Variants in SPATA21 observed in about 807,000 individuals in gnomAD.
SPATA21 encodes the protein spermatogenesis-associated protein 21.
A neutral mutation model predicts 54.8 loss-of-function variants in SPATA21; 47 were observed. The observed-to-expected ratio is 0.86, with a 90% CI of 0.68 to 1.09. The LOEUF is 1.09. SPATA21 is among the 50% of genes least tolerant of loss of function. SPATA21 has a pLI of 0.00. For missense variants in SPATA21, 599 were observed against 596.4 expected, an observed-to-expected ratio of 1.00 and a Z score of -0.05; for synonymous variants, 245 against 235.3, an observed-to-expected ratio of 1.04 and a Z score of -0.38.
intron 5 of SPATA21, among the ~76,000 whole-genome samples, chr1:16,418,077 C>T (rs915606084): frequency 3.3e-5 from 5 of 152,174 alleles, no homozygotes; most frequent in East Asian, 1.9e-4. Context: ...GGGCCCTCCC[C>T]GGCTTTCCTT....
At position 16,432,930 on chromosome 1, in the gene SPATA21, T is replaced by A. The variant is rs936049818; in HGVS notation, c.-186-6A>T. ...TGTGAAGTCTGGGTTCAGCCCTGTT[T>A]TAAAGATAGGGAAATTAAGGCTCTG... On this transcript the variant is annotated splice_polypyrimidine_tract_variant and splice_region_variant and intron_variant, in intron 1 of 12. Coordinates refer to ENST00000335496, the MANE Select transcript of SPATA21 (RefSeq NM_198546.1). 1 of 152,206 alleles carries A rather than the reference T, an allele frequency of 6.6e-6. No homozygotes were observed. The highest frequency in any genetic ancestry group is 1.5e-5 in the Non-Finnish European group (1 of 68,054). The allele number at this position is 152,206 out of a possible 1,614,324, so 9.4% of individuals were successfully genotyped here.
intron 1 of SPATA21, among the ~76,000 whole-genome samples, chr1:16,433,378 T>G (rs2086507977): frequency 6.6e-6 from 1 of 152,342 alleles, no homozygotes; most frequent in African/African-American, 2.4e-5. Context: ...GGCTGTCACC[T>G]GGAGCGGAAA....
At chr1:16,435,320 C>T (rs920397562) in intron 1 of SPATA21, among the ~76,000 whole-genome samples, 14 of 151,336 alleles carry the variant, frequency 9.3e-5, no homozygotes, top group Non-Finnish European at 1.5e-4. Flanking sequence ...TCAGAGCCTT[C>T]GTCCTTTTTT....
At position 16,409,602 on chromosome 1, in the gene SPATA21, G is replaced by A. The variant is rs114265055; in HGVS notation, c.586C>T (p.Arg196Trp). The A allele has an allele frequency of 9.8e-4, 1,573 of 1,609,774 alleles. 9 individuals are homozygous for A. The African/African-American group carries it at 0.018, about 19-fold the overall frequency. The change falls in exon 6 of 13, where the codon CGG becomes TGG. Residue 196 changes from arginine (R) to tryptophan (W), a missense_variant and splice_region_variant. Arg to Trp is a moderately radical substitution (Grantham distance 101). Transcript: ENST00000335496. This position sits in a 1 kb window ranked among gnomAD's most constrained non-coding sequence, Gnocchi z 4.1. ...SERTLSYAKA[R>W]QEPEEQSLQK... ...CGGGTGAGCAGCGGGGGCTCCTACC[G>A]CGCCTTGGCGTAGCTCAGGGTTCTC...
intron 5 of SPATA21, among the ~76,000 whole-genome samples, chr1:16,415,608 G>A (rs2085980368): frequency 6.6e-6 from 1 of 152,188 alleles, no homozygotes; most frequent in South Asian, 2.1e-4. Flanking sequence ...CACCCAGGCT[G>A]GAGTGTGTTG....
rs2100810389 is a variant in SPATA21, at chr1:16,409,037, C to G, written c.673+81G>C. ...GCAGCCATGTGATCTGGAAAGCACC[C>G]CAGTCCGCCCTGCGCCTATAAACCC... On this transcript the variant is annotated intron_variant, in intron 7 of 12. Transcript: ENST00000335496. This position sits in a 1 kb window ranked among gnomAD's most constrained non-coding sequence, Gnocchi z 4.1. 1.2e-5 allele frequency: 18 copies of G among 1,470,870 alleles called. No homozygotes were observed. The highest frequency in any genetic ancestry group is 3.5e-5 in the Admixed American group (2 of 57,784). 91.1% of individuals were successfully genotyped at this position (1,470,870 alleles called of 1,614,324 possible).
In SPATA21 at chr1:16,421,591, C is replaced by G; in HGVS notation, c.96-34G>C. 2.5e-6 allele frequency: 4 copies of G among 1,603,570 alleles called. No individual in the cohort carries two copies. Among genetic ancestry groups the G allele is most frequent in the Admixed American group, 1.7e-5 (1 of 58,700 alleles). On this transcript the variant is annotated intron_variant, in intron 4 of 12. Transcript: ENST00000335496. This position sits in a 1 kb window ranked among gnomAD's most constrained non-coding sequence, Gnocchi z 5.2. ...AAGAGAAACCCCCAGGTGGGGGAAGCGCTCAGCTGAAGGTTTGCCCCCCTG... is the reference window on the plus strand; with the variant it reads ...AAGAGAAACCCCCAGGTGGGGGAAGGGCTCAGCTGAAGGTTTGCCCCCCTG...
In SPATA21 at chr1:16,403,836, C is replaced by A. The variant is rs1200932923; in HGVS notation, c.892G>T (p.Ala298Ser). The A allele has an allele frequency of 1.2e-6, 2 of 1,609,368 alleles. No homozygotes were observed. The highest frequency in any genetic ancestry group is 1.7e-6 in the Non-Finnish European group (2 of 1,177,596). ...TTGTGGGGAGCCATGTCCGACAGGG[C>A]GTTCTGTTCTGGAGACATGGGATAG... ...RRFFCSVEQN[A>S]LSDMAPHNPH... The change falls in exon 10 of 13, where the codon GCC (alanine) becomes TCC (serine). Residue 298 changes from alanine to serine, a missense_variant. Ala to Ser is a moderately conservative substitution (Grantham distance 99). Transcript: ENST00000335496.
In SPATA21 at chr1:16,398,832, G is replaced by A. The variant is rs2085356787; in HGVS notation, c.1353-10C>T. 1 of 1,611,568 alleles carries A rather than the reference G, an allele frequency of 6.2e-7. No individual in the cohort carries two copies. Among genetic ancestry groups the A allele is most frequent in the South Asian group, 1.1e-5 (1 of 90,866 alleles). ...GTCAGAGTTGTGTTCCCTGGGGAGA[G>A]GAGTAGGGCAGAAGGGTGGGAGACA... On this transcript the variant is annotated splice_polypyrimidine_tract_variant and intron_variant, in intron 12 of 12. Transcript: ENST00000335496.
chr1:16,430,759 A>G (rs1011331594), intron 3 of SPATA21, among the ~76,000 whole-genome samples: 5 of 152,214 alleles, frequency 3.3e-5, no homozygotes, highest in African/African-American at 1.2e-4. Flanking sequence ...TCTCCATTGT[A>G]TCAAGAGATC....
intron 3 of SPATA21, among the ~76,000 whole-genome samples, chr1:16,429,153 T>A (rs374700544): frequency 1.7e-3 from 259 of 152,160 alleles, no homozygotes; most frequent in South Asian, 6.6e-3. Flanking sequence ...TTTTATTTTT[T>A]TTTTTGGCTT....
chr1:16,422,976 C>A (rs983634045), intron 3 of SPATA21, among the ~76,000 whole-genome samples: 3 of 151,996 alleles, frequency 2.0e-5, no homozygotes, highest in Non-Finnish European at 4.4e-5. Context: ...ACCAGCCTGG[C>A]CAACATGGAG....
At chr1:16,424,591 T>C (rs998518813) in intron 3 of SPATA21, among the ~76,000 whole-genome samples, 3 of 151,178 alleles carry the variant, frequency 2.0e-5, no homozygotes, top group African/African-American at 7.3e-5. Context: ...CTAACTTTGG[T>C]ATTTTTTGTA....
intron 10 of SPATA21, among the ~76,000 whole-genome samples, chr1:16,403,463 A>T: frequency 6.8e-6 from 1 of 146,724 alleles, no homozygotes. Context: ...TGCTTAAGCT[A>T]GTTTTATTCT....
chr1:16,396,941 G>A (rs2085322204), downstream of SPATA21: 1 of 152,392 alleles, frequency 6.6e-6, no homozygotes, highest in Non-Finnish European at 1.5e-5. Context: ...TCAGGAGAAG[G>A]CAAGGAAGAA....
At chr1:16,434,536 T>A (rs1451572312) in intron 1 of SPATA21, among the ~76,000 whole-genome samples, 1 of 152,156 alleles carries the variant, frequency 6.6e-6, no homozygotes, top group Non-Finnish European at 1.5e-5. Context: ...GCTTAAGTGA[T>A]CCTCCCACCT....
At chr1:16,429,479 T>A (rs2086404076) in intron 3 of SPATA21, among the ~76,000 whole-genome samples, 1 of 151,968 alleles carries the variant, frequency 6.6e-6, no homozygotes, top group African/African-American at 2.4e-5. Context: ...TGTTTGTTTG[T>A]TTATTTATTT....
chr1:16,404,739 G>A (rs1043398832), intron 8 of SPATA21, among the ~76,000 whole-genome samples: 7 of 152,174 alleles, frequency 4.6e-5, no homozygotes, highest in African/African-American at 7.2e-5. Flanking sequence ...GAGCCTAGGA[G>A]GTCGAGGCTG....
rs1212260492 is a variant in SPATA21 at position 16,409,780 on chromosome 1, G to A, written c.408C>T (p.Ala136=). The stretch of plus-strand genomic sequence containing the variant: ...GCAGCCGGGCCCACGATGGGCCGCT[G>A]GCAGGGACCGAGGCAGGGGTCTGAG... ...SLPQTPASVP[A]SGPSWARLPA... is the part of the protein sequence containing the mutation. The change falls in exon 6 of 13, where the codon GCC becomes GCT. Residue 136 remains alanine (A), a synonymous_variant. Coordinates refer to ENST00000335496, the MANE Select transcript of SPATA21 (RefSeq NM_198546.1). This position sits in a 1 kb window ranked among gnomAD's most constrained non-coding sequence, Gnocchi z 4.1. 1.2e-6 allele frequency: 2 copies of A among 1,603,792 alleles called. No individual in the cohort carries two copies. Among genetic ancestry groups the A allele is most frequent in the Non-Finnish European group, 1.7e-6 (2 of 1,175,558 alleles).
Sources: allele counts gnomAD v4.1 joint callset (sites outside exome capture counted in the v4.1 genomes callset), GRCh38; gene constraint gnomAD v4.1.1; non-coding constraint Gnocchi (gnomAD v3.1); transcripts MANE v1.5; gene names NCBI Gene and HGNC (gene_info 2026-07-23, HGNC 2026-07-21).